The following CTNNA2 variants were observed in gnomAD, a reference collection of about 807,000 sequenced individuals.
CTNNA2 encodes the protein catenin alpha 2, also known as catenin alpha-2.
In CTNNA2, 42 loss-of-function variants were observed where a neutral mutation model predicts 101.0. The ratio of observed to expected loss-of-function variants is 0.42; its 90% CI spans 0.32 to 0.54. CTNNA2 has a LOEUF of 0.54. CTNNA2 is among the 20% of genes least tolerant of loss of function. The pLI is 0.14. For synonymous variants in CTNNA2, 450 were observed against 456.4 expected, an observed-to-expected ratio of 0.99 and a Z score of 0.18; for missense variants, 871 against 1,223.1, an observed-to-expected ratio of 0.71 and a Z score of 4.29.
chr2:79,780,133 A>C (rs996322559), intron 3 of CTNNA2, among the ~76,000 whole-genome samples: 3 of 152,118 alleles, frequency 2.0e-5, no homozygotes, highest in Non-Finnish European at 2.9e-5. Flanking sequence ...CTGTGAATCC[A>C]CCTAGAACTT....
intron 4 of CTNNA2, among the ~76,000 whole-genome samples, chr2:79,454,293 G>T (rs1670789639): frequency 6.6e-6 from 1 of 152,144 alleles, no homozygotes; most frequent in Admixed American, 6.5e-5. Context: ...GAACTCTGAT[G>T]TATAATTCAC....
rs575228130 is a variant in CTNNA2, at chr2:79,879,837, C to T, written c.852+5495C>T. On this transcript the variant is annotated intron_variant, in intron 6 of 18. Transcript: ENST00000402739. ...CTTTATCTTACCTGATTGCCCTGTC[C>T]AGAATTTCTAATACTATATTGAACA... 2.1e-3 allele frequency among the ~76,000 whole-genome samples: 325 copies of T among 152,164 alleles called. 1 individual carries two copies. The highest frequency in any genetic ancestry group is 7.5e-3 in the African/African-American group (311 of 41,520).
intron 3 of CTNNA2, among the ~76,000 whole-genome samples, chr2:79,347,238 T>A (rs1677282835): frequency 6.6e-6 from 1 of 152,286 alleles, no homozygotes; most frequent in African/African-American, 2.4e-5. Context: ...TAAATCTTGG[T>A]GGAAATTTCC....
chr2:80,023,370 G>A (rs368484607), intron 7 of CTNNA2, among the ~76,000 whole-genome samples: 2 of 152,122 alleles, frequency 1.3e-5, no homozygotes, highest in East Asian at 1.9e-4. Flanking sequence ...CAAAGTGTGT[G>A]TATATGTGAC....
chr2:79,608,873 T>C (rs1678078817), intron 1 of CTNNA2, among the ~76,000 whole-genome samples: 1 of 151,970 alleles, frequency 6.6e-6, no homozygotes, highest in South Asian at 2.1e-4. Context: ...CTCTCCTTGA[T>C]TTTATTCAGT....
chr2:79,712,908 A>C (rs528164695), intron 2 of CTNNA2, among the ~76,000 whole-genome samples: 5 of 152,286 alleles, frequency 3.3e-5, no homozygotes, highest in African/African-American at 1.2e-4. Flanking sequence ...ATTTGCCATA[A>C]TTTTCACAAA....
chr2:80,102,302 C>G (rs1471243417), intron 7 of CTNNA2, among the ~76,000 whole-genome samples: 6 of 152,112 alleles, frequency 3.9e-5, no homozygotes, highest in Non-Finnish European at 8.8e-5. Flanking sequence ...GAAGGAGAAT[C>G]CTTCCACCTT....
chr2:80,469,833 A>G (rs1271832088), intron 9 of CTNNA2, among the ~76,000 whole-genome samples: 4 of 152,168 alleles, frequency 2.6e-5, no homozygotes, highest in African/African-American at 9.7e-5. Context: ...AAGGGAGGTC[A>G]TCCTATCACT....
At chr2:79,238,020 C>T (rs1674579100) in intron 2 of CTNNA2, among the ~76,000 whole-genome samples, 1 of 152,192 alleles carries the variant, frequency 6.6e-6, no homozygotes, top group South Asian at 2.1e-4. Context: ...CACAACGTGG[C>T]TAGCTGTTTG....
At chr2:80,450,527 A>G (rs1039908175) in intron 9 of CTNNA2, among the ~76,000 whole-genome samples, 3 of 152,134 alleles carry the variant, frequency 2.0e-5, no homozygotes, top group African/African-American at 7.2e-5. Context: ...CTTCTCAAGG[A>G]ATTCTTGTAG....
At chr2:79,912,767 T>C (rs1028822952) in intron 7 of CTNNA2, among the ~76,000 whole-genome samples, 1 of 152,190 alleles carries the variant, frequency 6.6e-6, no homozygotes, top group Non-Finnish European at 1.5e-5. Context: ...GGCCTATAGA[T>C]GTTAATTGGG....
chr2:79,484,768 G>A lies in CTNNA2; in HGVS notation c.-134-20286G>A, dbSNP rs149317380. Among the ~76,000 whole-genome samples, 389 of 152,234 alleles carry A rather than the reference G, an allele frequency of 2.6e-3. 2 individuals are homozygous for A. Among genetic ancestry groups the A allele is most frequent in the African/African-American group, 8.9e-3 (369 of 41,556 alleles). On this transcript the variant is annotated intron_variant, in intron 4 of 21. Coordinates refer to the CTNNA2 transcript ENST00000466387. The stretch of plus-strand genomic sequence containing the variant: ...CTTCTCAAGAGTGTGGTCAGCAATG[G>A]TGGGTCTATGACACATTACTTTCCT...
At chr2:79,796,437 G>A (rs1212883727) in intron 3 of CTNNA2, among the ~76,000 whole-genome samples, 2 of 150,856 alleles carry the variant, frequency 1.3e-5, no homozygotes, top group African/African-American at 4.9e-5. Context: ...GCCCAAGTTG[G>A]TGATATAAAT....
chr2:79,800,729 G>A (rs577586188), intron 3 of CTNNA2, among the ~76,000 whole-genome samples: 3 of 152,172 alleles, frequency 2.0e-5, no homozygotes, highest in Non-Finnish European at 4.4e-5. Flanking sequence ...AGAAGAGGAA[G>A]TGTTGAGTAA....
Position 79,282,102 on chromosome 2 carries a change from T to C in CTNNA2, c.-405-30607T>C, listed in dbSNP as rs572173747. Among the ~76,000 whole-genome samples, 5 of 152,254 alleles carry C rather than the reference T, an allele frequency of 3.3e-5. 1 individual carries two copies. Among genetic ancestry groups the C allele is most frequent in the African/African-American group, 1.2e-4 (5 of 41,568 alleles). On this transcript the variant is annotated intron_variant, in intron 2 of 21. Transcript: ENST00000466387. ...AGATACCTTTACATGATTACTTTAA[T>C]TGAGATGAGAAAATTAGAAATTTTC...
intron 7 of CTNNA2, among the ~76,000 whole-genome samples, chr2:80,219,038 G>A (rs17018812): frequency 4.8e-3 from 732 of 152,084 alleles, no homozygotes; most frequent in Non-Finnish European, 7.6e-3. Context: ...CTTGGATATC[G>A]TGGCAATTAT....
At chr2:79,367,221 C>A (rs972102251) in intron 3 of CTNNA2, among the ~76,000 whole-genome samples, 6 of 152,106 alleles carry the variant, frequency 3.9e-5, no homozygotes, top group Admixed American at 2.6e-4. Flanking sequence ...GGAAAAGGGC[C>A]CTTACCAGGA....
In CTNNA2 at chr2:79,872,319, T is replaced by C. The variant is rs1682652275; in HGVS notation, c.586-1757T>C. ...TGATTAAAACATGTTTCTTCAAGTG[T>C]TTTATGGAGAGATTTTCACAACCCG... On this transcript the variant is annotated intron_variant, in intron 5 of 18. Transcript: ENST00000402739. Among the ~76,000 whole-genome samples, 3 of 152,278 alleles carry C rather than the reference T, an allele frequency of 2.0e-5. No individual in the cohort carries two copies. The South Asian group carries it at 6.2e-4, about 32-fold the overall frequency.
intron 1 of CTNNA2, among the ~76,000 whole-genome samples, chr2:79,186,114 G>C (rs561064308): frequency 1.3e-5 from 2 of 152,226 alleles, no homozygotes; most frequent in South Asian, 4.2e-4. Flanking sequence ...TTAGACTAAG[G>C]CTAGGTGCCT....
Sources: allele counts gnomAD v4.1 joint callset (sites outside exome capture counted in the v4.1 genomes callset), GRCh38; gene constraint gnomAD v4.1.1; transcripts MANE v1.5; gene names NCBI Gene and HGNC (gene_info 2026-07-23, HGNC 2026-07-21).